The following ARAP2 variants were observed in gnomAD, a reference collection of about 807,000 sequenced individuals.
The protein encoded by ARAP2 is ArfGAP with RhoGAP domain, ankyrin repeat and PH domain 2.
In ARAP2, 148 loss-of-function variants were observed where a neutral mutation model predicts 194.5. That is an observed-to-expected ratio of 0.76 (90% confidence interval 0.67 to 0.87). ARAP2 has a LOEUF of 0.87. Among genes scored for constraint, ARAP2 ranks in the 40% least tolerant of loss-of-function variants. The pLI is 0.00. For missense variants in ARAP2, 2,128 were observed against 1,989.7 expected (o/e 1.07, Z -1.32); for synonymous variants, 695 against 683.5 (o/e 1.02, Z -0.26).
chr4:36,128,393 G>C (rs1288122862), intron 21 of ARAP2, 140 bp downstream of exon 21: 1 of 622,718 alleles, frequency 1.6e-6, no homozygotes, highest in Non-Finnish European at 2.8e-6. Flanking sequence ...TATGTACATT[G>C]TTTCTTTCAA....
At position 36,217,820 on chromosome 4, in the gene ARAP2, AATAATACTAGATAATACTAGATATATG is replaced by A. The variant is rs1167033757; in HGVS notation, c.906-3367_906-3341del. Among the ~76,000 whole-genome samples the A allele has an allele frequency of 3.4e-4, 51 of 151,542 alleles. No individual in the cohort carries two copies. In the South Asian group the frequency reaches 0.01, roughly 30 times the overall value. ...ACTAGATATATGATAATACTAGATAAATAATACTAGATAATACTAGATATATGATAATACTAGATAATACTAGATATA... is the reference window on the plus strand; with the variant it reads ...ACTAGATATATGATAATACTAGATAAATAATACTAGATAATACTAGATATA... On this transcript the variant is annotated intron_variant, in intron 2 of 32. Coordinates refer to ENST00000303965, the MANE Select transcript of ARAP2 (RefSeq NM_015230.4).
At chr4:36,102,066 C>A (rs1717085497) in intron 27 of ARAP2, among the ~76,000 whole-genome samples, 1 of 151,956 alleles carries the variant, frequency 6.6e-6, no homozygotes, top group Non-Finnish European at 1.5e-5. Context: ...TGTGTTGTAT[C>A]TCTGATATTC....
intron 30 of ARAP2, among the ~76,000 whole-genome samples, chr4:36,081,793 G>A (rs367879597): frequency 6.6e-6 from 1 of 151,938 alleles, no homozygotes; most frequent in African/African-American, 2.4e-5. Context: ...CTCAGTGACC[G>A]ATTAGACACA....
Position 36,092,923 on chromosome 4 carries a change from A to G in ARAP2, c.4286-903T>C, listed in dbSNP as rs187261611. Among the ~76,000 whole-genome samples the G allele has an allele frequency of 3.4e-4, 52 of 152,304 alleles. 1 individual carries two copies. Among genetic ancestry groups the G allele is most frequent in the Admixed American group, 2.8e-3 (43 of 15,288 alleles). On this transcript the variant is annotated intron_variant, in intron 27 of 32. Transcript: ENST00000303965. ...AATTTTTATAAATGTGAAACAGGCAAGGGTAAGAAAGGCAAAACTGCTAAG... is the reference window on the plus strand; with the variant it reads ...AATTTTTATAAATGTGAAACAGGCAGGGGTAAGAAAGGCAAAACTGCTAAG...
intron 5 of ARAP2, among the ~76,000 whole-genome samples, chr4:36,027,547 C>T (rs1718135462): frequency 6.6e-6 from 1 of 151,702 alleles, no homozygotes; most frequent in African/African-American, 2.4e-5. Context: ...TCTTTTTGGC[C>T]AATACTACTA....
At chr4:36,122,182 G>A (rs1049835065) in intron 22 of ARAP2, among the ~76,000 whole-genome samples, 1 of 151,764 alleles carries the variant, frequency 6.6e-6, no homozygotes, top group Non-Finnish European at 1.5e-5. Context: ...GTGTAAATTA[G>A]TTCAACCACT....
chr4:36,228,068 C>CA (rs1750707998), intron 2 of ARAP2, among the ~76,000 whole-genome samples: 1 of 152,146 alleles, frequency 6.6e-6, no homozygotes, highest in South Asian at 2.1e-4. Flanking sequence ...CTATACGAGA[C>CA]TGCAAGTCAC....
intron 16 of ARAP2, among the ~76,000 whole-genome samples, 187 bp downstream of exon 16, chr4:36,150,713 A>G (rs574674475): frequency 6.6e-6 from 1 of 152,304 alleles, no homozygotes; most frequent in East Asian, 1.9e-4. Context: ...TAAATATTTT[A>G]GTCTTCCTAC....
intron 5 of ARAP2, among the ~76,000 whole-genome samples, chr4:36,027,354 G>A (rs1490426258): frequency 2.0e-5 from 3 of 151,804 alleles, no homozygotes; most frequent in Non-Finnish European, 2.9e-5. Context: ...TGGCTACCAT[G>A]CTTCCTCCCA....
chr4:36,209,365 T>C, intron 6 of ARAP2: 1 of 453,238 alleles, frequency 2.2e-6, no homozygotes, highest in Non-Finnish European at 4.4e-6. Context: ...GTGACACACA[T>C]AGCTGATAGT....
At chr4:36,155,648 T>C (rs1732083155) in intron 15 of ARAP2, among the ~76,000 whole-genome samples, 1 of 147,598 alleles carries the variant, frequency 6.8e-6, no homozygotes, top group East Asian at 2.0e-4. Context: ...TTATTTTTTA[T>C]TTATTTTTTT....
At chr4:36,216,854 G>C (rs1043989699) in intron 2 of ARAP2, among the ~76,000 whole-genome samples, 4 of 152,192 alleles carry the variant, frequency 2.6e-5, no homozygotes, top group Non-Finnish European at 5.9e-5. Flanking sequence ...TACATCCTGA[G>C]AAATAGGTTG....
rs559997356 is a variant in ARAP2, at chr4:36,220,814, A to G, written c.906-6334T>C. Among the ~76,000 whole-genome samples, 15 of 152,296 alleles carry G rather than the reference A, an allele frequency of 9.8e-5. No homozygotes were observed. The East Asian group carries it at 2.5e-3, about 25-fold the overall frequency. The stretch of plus-strand genomic sequence containing the variant: ...GCTGTATAATGTGTGTTTTAAGCTA[A>G]GCATCATTACAAGAGAGTAGGAAGC... On this transcript the variant is annotated intron_variant, in intron 2 of 32. Transcript: ENST00000303965.
At chr4:36,179,265 A>T (rs189249368) in intron 8 of ARAP2, among the ~76,000 whole-genome samples, 1 of 152,242 alleles carries the variant, frequency 6.6e-6, no homozygotes, top group African/African-American at 2.4e-5. Context: ...ATGACTAATG[A>T]GGAATTAAGG....
intron 2 of ARAP2, among the ~76,000 whole-genome samples, chr4:36,218,041 T>C (rs915932253): frequency 1.3e-5 from 2 of 151,986 alleles, no homozygotes; most frequent in Non-Finnish European, 2.9e-5. Context: ...AAGAGTACAG[T>C]GAGAAGACAT....
In ARAP2 at chr4:36,108,224, C is replaced by T. The variant is rs576063432; in HGVS notation, c.4157-531G>A. 9.9e-5 allele frequency among the ~76,000 whole-genome samples: 15 copies of T among 152,004 alleles called. No homozygotes were observed. The South Asian group carries it at 3.1e-3, about 32-fold the overall frequency. ...TCTAACCTCTTTTGTAGATAACATA[C>T]TGGTTTGTTTAGGGAAACCTTCTTA... On this transcript the variant is annotated intron_variant, in intron 26 of 32. Transcript: ENST00000303965.
At chr4:36,019,566 A>G (rs1241599467) in intron 5 of ARAP2, among the ~76,000 whole-genome samples, 2 of 138,724 alleles carry the variant, frequency 1.4e-5, no homozygotes, top group Non-Finnish European at 2.9e-5. Context: ...GTGTGTATGT[A>G]TATGTATATA....
chr4:36,244,465 C>G lies in ARAP2; in HGVS notation c.-446G>C, dbSNP rs1260943363. ...GCTCCGGAAACGCCGAGCCCGGCGC[C>G]CGCGCCTTGCTCAGGTGCTCCCGCG... On this transcript the variant is annotated 5_prime_UTR_variant, in exon 1 of 33. Transcript: ENST00000303965. The G allele has an allele frequency of 6.6e-6, 1 of 150,664 alleles. No homozygotes were observed. The highest frequency in any genetic ancestry group is 1.5e-5 in the Non-Finnish European group (1 of 67,462). The allele number at this position is 150,664 out of a possible 1,614,324, so 9.3% of individuals were successfully genotyped here. A position where few individuals can be genotyped will look rare whatever the true frequency, so the allele number is the denominator to read the frequency against.
At chr4:36,177,203 ATT>A (rs1337576683) in intron 9 of ARAP2, among the ~76,000 whole-genome samples, 2 of 152,144 alleles carry the variant, frequency 1.3e-5, no homozygotes, top group Non-Finnish European at 2.9e-5. Context: ...TAAATACTCT[ATT>A]GAGTCCTTTG....
Sources: allele counts gnomAD v4.1 joint callset (sites outside exome capture counted in the v4.1 genomes callset), GRCh38; gene constraint gnomAD v4.1.1; transcripts MANE v1.5; gene names NCBI Gene and HGNC (gene_info 2026-07-23, HGNC 2026-07-21).